Variants in MAPK10 observed in about 807,000 individuals in gnomAD.
The protein encoded by MAPK10 is mitogen-activated protein kinase 10, also known as JNK3 alpha protein kinase.
A neutral mutation model predicts 59.3 loss-of-function variants in MAPK10; 25 were observed. The ratio of observed to expected loss-of-function variants is 0.42; its 90% CI spans 0.31 to 0.59. MAPK10 has a LOEUF of 0.59. Ranked by LOEUF, MAPK10 falls within the 20% of genes least tolerant of loss-of-function variation. The pLI is 0.15. For missense variants in MAPK10, 351 were observed against 568.9 expected, an observed-to-expected ratio of 0.62 and a Z score of 3.90; for synonymous variants, 190 against 200.5, an observed-to-expected ratio of 0.95 and a Z score of 0.44.
At chr4:86,345,469 A>G (rs1727587172) in intron 2 of MAPK10, among the ~76,000 whole-genome samples, 1 of 152,192 alleles carries the variant, frequency 6.6e-6, no homozygotes, top group Non-Finnish European at 1.5e-5. Context: ...ATTACTTATG[A>G]GAGAAATCTT....
chr4:86,359,263 C>CCTCTGTCTCTCTCT (rs1736053241), intron 1 of MAPK10, among the ~76,000 whole-genome samples: 1 of 53,452 alleles, frequency 1.9e-5, no homozygotes, highest in Non-Finnish European at 3.8e-5. Flanking sequence ...TTTTTTTTTT[C>CCTCTGTCTCTCTCT]CTCTCTCTCT....
At chr4:86,204,730 C>G (rs77419875) in intron 2 of MAPK10, among the ~76,000 whole-genome samples, 12,886 of 151,938 alleles carry the variant, frequency 0.085, 1,209 homozygotes, top group African/African-American at 0.23. Flanking sequence ...AATGAGATTA[C>G]TCTTGTTAAG....
intron 2 of MAPK10, among the ~76,000 whole-genome samples, chr4:86,248,662 C>T (rs2093252633): frequency 6.6e-6 from 1 of 152,214 alleles, no homozygotes; most frequent in South Asian, 2.1e-4. Context: ...CACAGAACAA[C>T]TCTTCTTGCC....
chr4:86,047,627 T>C (rs767083793), intron 11 of MAPK10, among the ~76,000 whole-genome samples: 17 of 152,148 alleles, frequency 1.1e-4, no homozygotes, highest in Non-Finnish European at 1.8e-4. Flanking sequence ...GTTTTTCTTT[T>C]GTGTGTGTGT....
chr4:86,180,977 TAGA>T (rs2076811687), intron 3 of MAPK10, among the ~76,000 whole-genome samples: 1 of 151,984 alleles, frequency 6.6e-6, no homozygotes, highest in Non-Finnish European at 1.5e-5. Flanking sequence ...TTCAAATAGT[TAGA>T]AGGAGGATAT....
intron 1 of MAPK10, among the ~76,000 whole-genome samples, chr4:86,405,929 G>T (rs1744305329): frequency 6.6e-6 from 1 of 152,104 alleles, no homozygotes. Flanking sequence ...TTTACAATTT[G>T]CAGGCGTCTT....
intron 11 of MAPK10, among the ~76,000 whole-genome samples, chr4:86,056,122 A>G (rs1255713509): frequency 6.7e-6 from 1 of 150,078 alleles, no homozygotes; most frequent in Non-Finnish European, 1.5e-5. Context: ...TTTCCTCCCA[A>G]CGGGAGATAC....
At chr4:86,221,451 C>T (rs1166673314) in intron 2 of MAPK10, among the ~76,000 whole-genome samples, 2 of 151,884 alleles carry the variant, frequency 1.3e-5, no homozygotes, top group African/African-American at 4.8e-5. Flanking sequence ...TGTGTCCCCA[C>T]CCAAATTGCA....
chr4:86,548,738 A>C (rs1759500448), intron 1 of MAPK10, among the ~76,000 whole-genome samples: 1 of 152,144 alleles, frequency 6.6e-6, no homozygotes, highest in Admixed American at 6.5e-5. Context: ...AGAACAGACT[A>C]ATGCAGGTAC....
chr4:86,045,564 A>C (rs949212651), intron 11 of MAPK10, among the ~76,000 whole-genome samples: 2 of 152,120 alleles, frequency 1.3e-5, no homozygotes, highest in South Asian at 4.1e-4. Flanking sequence ...CCAGTCCCAC[A>C]CTGCAGACAG....
intron 2 of MAPK10, among the ~76,000 whole-genome samples, chr4:86,278,668 C>T (rs145088943): frequency 2.6e-4 from 40 of 152,178 alleles, no homozygotes; most frequent in Admixed American, 7.2e-4. Context: ...AACATATAGT[C>T]ACCTTAACTG....
intron 2 of MAPK10, among the ~76,000 whole-genome samples, chr4:86,298,277 A>G (rs974904416): frequency 6.6e-6 from 1 of 152,210 alleles, no homozygotes; most frequent in Non-Finnish European, 1.5e-5. Flanking sequence ...GGCTATGACA[A>G]TATTAATTAT....
chr4:86,105,599 C>T (rs2056393427), intron 5 of MAPK10, among the ~76,000 whole-genome samples: 1 of 151,992 alleles, frequency 6.6e-6, no homozygotes, highest in African/African-American at 2.4e-5. Flanking sequence ...TGCTTGTATC[C>T]ATCCATTTTT....
intron 2 of MAPK10, among the ~76,000 whole-genome samples, chr4:86,208,451 A>G (rs1248634468): frequency 1.3e-5 from 2 of 149,086 alleles, no homozygotes; most frequent in South Asian, 2.1e-4. Flanking sequence ...AAGTCAATAA[A>G]TGTAATCCAG....
rs185978306 is a variant in MAPK10 at position 86,511,030 on chromosome 4, A to C, written c.-263+82880T>G. On this transcript the variant is annotated intron_variant, in intron 1 of 4. Coordinates refer to the MAPK10 transcript ENST00000502302. ...TGTATTTCAAAATAGCTAGAAAAGA[A>C]AATTTGTACTATTTCCAACACAAAC... Among the ~76,000 whole-genome samples the C allele has an allele frequency of 1.1e-4, 16 of 152,348 alleles. No individual in the cohort carries two copies. The East Asian group carries it at 2.9e-3, about 28-fold the overall frequency.
intron 1 of MAPK10, among the ~76,000 whole-genome samples, chr4:86,423,924 T>A (rs1176737491): frequency 6.6e-6 from 1 of 151,738 alleles, no homozygotes; most frequent in Non-Finnish European, 1.5e-5. Context: ...TAAAAGTTAC[T>A]ACAAGATATA....
At chr4:86,063,316 T>C (rs776393094) in intron 11 of MAPK10, among the ~76,000 whole-genome samples, 1 of 152,136 alleles carries the variant, frequency 6.6e-6, no homozygotes, top group Non-Finnish European at 1.5e-5. Context: ...GAAAATATCT[T>C]TAAGAATACT....
At chr4:86,316,096 A>G (rs982739563) in intron 2 of MAPK10, among the ~76,000 whole-genome samples, 4 of 152,016 alleles carry the variant, frequency 2.6e-5, no homozygotes, top group African/African-American at 9.7e-5. Flanking sequence ...CACTGTTGCT[A>G]CTCCCTAATG....
intron 2 of MAPK10, among the ~76,000 whole-genome samples, chr4:86,244,143 A>T (rs2092927868): frequency 6.6e-6 from 1 of 152,240 alleles, no homozygotes; most frequent in Non-Finnish European, 1.5e-5. Context: ...AAAGGCATGT[A>T]CACCTTTCTA....
Sources: gnomAD v4.1 joint callset for allele counts (sites outside exome capture counted in the v4.1 genomes callset) on GRCh38, gnomAD v4.1.1 for gene constraint, MANE v1.5 for transcripts, NCBI Gene and HGNC (gene_info 2026-07-23, HGNC 2026-07-21) for gene names.